Variants in PCDH11X observed in about 807,000 individuals in gnomAD.
The protein encoded by PCDH11X is protocadherin-11 X-linked.
In PCDH11X, 18 loss-of-function variants were observed where a neutral mutation model predicts 53.3. That is an observed-to-expected ratio of 0.34 (90% CI 0.23 to 0.50). The LOEUF (loss-of-function observed/expected upper bound fraction) is 0.50. Among genes scored for constraint, PCDH11X ranks in the 20% least tolerant of loss-of-function variants. PCDH11X has a pLI of 0.98. For synonymous variants in PCDH11X, 279 were observed against 393.3 expected, an observed-to-expected ratio of 0.71 and a Z score of 3.44; for missense variants, 570 against 1,032.4, an observed-to-expected ratio of 0.55 and a Z score of 6.14.
chrX:91,817,759 G>A (rs1346044042), intron 4 of PCDH11X, among the ~76,000 whole-genome samples: 3 of 111,005 alleles, frequency 2.7e-5, no homozygotes, highest in South Asian at 7.6e-4. Context: ...ACTATTGTAT[G>A]GAAAAGAGAG....
intron 6 of PCDH11X, among the ~76,000 whole-genome samples, chrX:91,891,077 G>T (rs1350225594): frequency 1.9e-5 from 2 of 107,844 alleles, no homozygotes; most frequent in Non-Finnish European, 3.8e-5. Context: ...AATACAAGAG[G>T]ATTCATAACA....
intron 9 of PCDH11X, among the ~76,000 whole-genome samples, chrX:92,400,592 A>T (rs1165506982): frequency 1.8e-5 from 2 of 108,872 alleles, no homozygotes; most frequent in Non-Finnish European, 3.8e-5. Context: ...TAGCTATTCA[A>T]TGTGGATATA....
intron 7 of PCDH11X, among the ~76,000 whole-genome samples, chrX:92,235,548 T>C (rs2067154603): frequency 8.9e-6 from 1 of 111,851 alleles, no homozygotes; most frequent in South Asian, 3.7e-4. Flanking sequence ...TTTCTGCAGA[T>C]GGAATTTTAA....
intron 9 of PCDH11X, among the ~76,000 whole-genome samples, chrX:92,465,483 C>T (rs2073139413): frequency 8.9e-6 from 1 of 111,732 alleles, no homozygotes; most frequent in South Asian, 3.7e-4. Context: ...AATAAAACTG[C>T]AACTGTTACT....
At chrX:92,549,708 A>G (rs1243178945) in intron 10 of PCDH11X, among the ~76,000 whole-genome samples, 2 of 109,130 alleles carry the variant, frequency 1.8e-5, no homozygotes, top group African/African-American at 3.3e-5. Flanking sequence ...AGCAAAAAAC[A>G]TCTATGGTTC....
intron 8 of PCDH11X, among the ~76,000 whole-genome samples, chrX:92,293,788 T>C (rs1220814079): frequency 1.9e-5 from 2 of 105,735 alleles, no homozygotes. Context: ...CTAGTACTTC[T>C]CAAAACTACC....
chrX:92,019,208 G>C (rs2062845007), intron 6 of PCDH11X, among the ~76,000 whole-genome samples: 1 of 108,877 alleles, frequency 9.2e-6, no homozygotes, highest in African/African-American at 3.4e-5. Context: ...GAACGGGCGA[G>C]TTAAACTGTC....
chrX:92,065,102 G>A (rs2063587959), intron 6 of PCDH11X, among the ~76,000 whole-genome samples: 1 of 97,984 alleles, frequency 1.0e-5, no homozygotes, highest in East Asian at 3.3e-4. Context: ...TATGCTCCTG[G>A]GGCCTGGGGG....
chrX:92,287,988 C>T (rs772103480), intron 8 of PCDH11X: 21 of 513,311 alleles, frequency 4.1e-5, no homozygotes, highest in East Asian at 3.6e-4. Flanking sequence ...TTCCTCTTCC[C>T]CTTCTGCCAT....
chrX:91,801,830 C>G (rs1935946830), intron 1 of PCDH11X, among the ~76,000 whole-genome samples: 1 of 111,927 alleles, frequency 8.9e-6, no homozygotes, highest in South Asian at 3.7e-4. Flanking sequence ...ACTTAGATGA[C>G]AGTATATGTG....
chrX:92,175,803 CAG>C (rs1231083619), intron 6 of PCDH11X, among the ~76,000 whole-genome samples: 21 of 94,712 alleles, frequency 2.2e-4, no homozygotes, highest in South Asian at 5.4e-4. Context: ...CACACACACA[CAG>C]AGAGAGAGAG....
intron 9 of PCDH11X, among the ~76,000 whole-genome samples, chrX:92,465,475 T>C (rs975262168): frequency 1.8e-5 from 2 of 112,129 alleles, no homozygotes; most frequent in Non-Finnish European, 3.8e-5. Context: ...TTATGCATAA[T>C]AAAACTGCAA....
intron 6 of PCDH11X, among the ~76,000 whole-genome samples, chrX:91,984,674 A>G (rs2062200213): frequency 9.0e-6 from 1 of 111,436 alleles, no homozygotes; most frequent in African/African-American, 3.3e-5. Flanking sequence ...TGTGAGTAGT[A>G]TAAATTCAGA....
At chrX:92,160,089 TA>T (rs1176776798) in intron 6 of PCDH11X, among the ~76,000 whole-genome samples, 4 of 110,911 alleles carry the variant, frequency 3.6e-5, no homozygotes, top group Non-Finnish European at 7.5e-5. Flanking sequence ...TGGTTTTGTT[TA>T]TTTTTTTGTT....
chrX:92,424,802 G>C (rs1263423892), intron 9 of PCDH11X, among the ~76,000 whole-genome samples: 3 of 96,681 alleles, frequency 3.1e-5, no homozygotes, highest in African/African-American at 1.0e-4. Flanking sequence ...CAGAGTCCTC[G>C]GGTAGTTGCC....
intron 9 of PCDH11X, among the ~76,000 whole-genome samples, chrX:92,398,910 T>C (rs2071311932): frequency 9.0e-6 from 1 of 110,879 alleles, no homozygotes; most frequent in South Asian, 3.9e-4. Flanking sequence ...AAAAATATTT[T>C]AGCCGGGCGT....
At position 92,533,632 on chromosome X, in the gene PCDH11X, T is replaced by A. The variant is rs1436219378; in HGVS notation, c.3367+65310T>A. Among the ~76,000 whole-genome samples the A allele has an allele frequency of 1.9e-5, 2 of 105,301 alleles. 1 individual carries two copies. The highest frequency in any genetic ancestry group is 2.1e-4 in the Admixed American group (2 of 9,564). The allele number at this position is 105,301 out of a possible 115,157, so 91.4% of individuals were successfully genotyped here. A position where few individuals can be genotyped will look rare whatever the true frequency, so the allele number is the denominator to read the frequency against. ...AATAAATATATAAGATAAGCAAATTTTATTATTTGCTAATTTGCTCTCTCA... is the reference window on the plus strand; with the variant it reads ...AATAAATATATAAGATAAGCAAATTATATTATTTGCTAATTTGCTCTCTCA... On this transcript the variant is annotated intron_variant, in intron 10 of 10. Coordinates refer to ENST00000682573, the MANE Select transcript of PCDH11X (RefSeq NM_032968.5).
chrX:92,323,957 A>T (rs375731928), intron 8 of PCDH11X, among the ~76,000 whole-genome samples: 51 of 107,488 alleles, frequency 4.7e-4, no homozygotes, highest in East Asian at 4.4e-3. Context: ...CAATTCAATA[A>T]ATCAGTGTTC....
chrX:92,552,456 C>A (rs1007417759), intron 10 of PCDH11X, among the ~76,000 whole-genome samples: 6 of 103,964 alleles, frequency 5.8e-5, no homozygotes, highest in Non-Finnish European at 1.2e-4. Flanking sequence ...TAGGTTTTTC[C>A]AAATATAAGA....
Sources: allele counts gnomAD v4.1 joint callset (sites outside exome capture counted in the v4.1 genomes callset), GRCh38; gene constraint gnomAD v4.1.1; transcripts MANE v1.5; gene names NCBI Gene and HGNC (gene_info 2026-07-23, HGNC 2026-07-21).